The following DOCK4 variants were observed in gnomAD, a reference collection of about 807,000 sequenced individuals.
DOCK4 encodes the protein dedicator of cytokinesis protein 4.
In DOCK4, 97 loss-of-function variants were observed where a neutral mutation model predicts 268.1. The ratio of observed to expected loss-of-function variants is 0.36; its 90% confidence interval spans 0.31 to 0.43. The LOEUF (loss-of-function observed/expected upper bound fraction) is 0.43. Among genes scored for constraint, DOCK4 ranks in the 20% least tolerant of loss-of-function variants. The pLI, the probability that DOCK4 is intolerant of heterozygous loss-of-function variation, is 1.00. For synonymous variants in DOCK4, 954 were observed against 887.2 expected (o/e 1.08, Z -1.34); for missense variants, 2,145 against 2,455.7 (o/e 0.87, Z 2.67).
At chr7:111,830,793 T>A (rs1019073663) in intron 26 of DOCK4, among the ~76,000 whole-genome samples, 2 of 151,402 alleles carry the variant, frequency 1.3e-5, no homozygotes, top group Non-Finnish European at 2.9e-5. Context: ...CTGTATATTT[T>A]CCTTTTTTTT....
intron 1 of DOCK4, among the ~76,000 whole-genome samples, chr7:112,164,402 G>T (rs1201513114): frequency 6.6e-6 from 1 of 152,126 alleles, no homozygotes; most frequent in African/African-American, 2.4e-5. Context: ...CTGTCTTAAA[G>T]TCTGCATATA....
At chr7:112,139,491 T>G (rs1407234629) in intron 1 of DOCK4, among the ~76,000 whole-genome samples, 1 of 152,166 alleles carries the variant, frequency 6.6e-6, no homozygotes, top group African/African-American at 2.4e-5. Flanking sequence ...GACTAAGAGC[T>G]TAGGAAAAGG....
intron 4 of DOCK4, among the ~76,000 whole-genome samples, chr7:111,996,404 G>T (rs931871851): frequency 7.9e-5 from 12 of 152,140 alleles, no homozygotes; most frequent in African/African-American, 2.7e-4. Context: ...ATTATATTTT[G>T]TTCAATTATT....
At chr7:112,099,043 A>G (rs1563082596) in intron 1 of DOCK4, among the ~76,000 whole-genome samples, 1 of 152,114 alleles carries the variant, frequency 6.6e-6, no homozygotes, top group Non-Finnish European at 1.5e-5. Flanking sequence ...TAATCTCAGC[A>G]CTTTGGGAGG....
At chr7:111,988,495 C>G (rs1799227237) in intron 6 of DOCK4, among the ~76,000 whole-genome samples, 1 of 152,182 alleles carries the variant, frequency 6.6e-6, no homozygotes, top group Non-Finnish European at 1.5e-5. Flanking sequence ...TGAGTTCTCT[C>G]AAGCAGCTCC....
At chr7:111,908,586 G>A (rs931358639) in intron 13 of DOCK4, among the ~76,000 whole-genome samples, 10 of 151,986 alleles carry the variant, frequency 6.6e-5, no homozygotes, top group African/African-American at 2.4e-4. Flanking sequence ...GAACATGCAG[G>A]TTTGATACAT....
intron 8 of DOCK4, among the ~76,000 whole-genome samples, chr7:111,969,119 A>G (rs1250156203): frequency 6.4e-5 from 8 of 125,956 alleles, no homozygotes; most frequent in East Asian, 4.8e-4. Context: ...TAGATGACAC[A>G]TTAGTGGGTG....
chr7:112,079,357 T>G (rs111657344), intron 1 of DOCK4, among the ~76,000 whole-genome samples: 131 of 152,318 alleles, frequency 8.6e-4, no homozygotes, highest in African/African-American at 3.0e-3. Flanking sequence ...AACTGTATTA[T>G]GTAAAAGTAC....
chr7:112,180,346 T>C (rs554135053), intron 1 of DOCK4, among the ~76,000 whole-genome samples: 19 of 152,244 alleles, frequency 1.2e-4, no homozygotes, highest in African/African-American at 4.3e-4. Flanking sequence ...CAGTGCTCCT[T>C]TACATGTAAA....
intron 1 of DOCK4, among the ~76,000 whole-genome samples, chr7:112,091,519 T>C (rs1809625590): frequency 6.6e-6 from 1 of 152,160 alleles, no homozygotes; most frequent in South Asian, 2.1e-4. Flanking sequence ...GGCTATCTGC[T>C]AGAATAGGTA....
chr7:112,142,325 C>G (rs1815012335), intron 1 of DOCK4, among the ~76,000 whole-genome samples: 1 of 152,114 alleles, frequency 6.6e-6, no homozygotes, highest in Non-Finnish European at 1.5e-5. Context: ...TCTGAATTTT[C>G]ACTATTGTAT....
intron 52 of DOCK4, among the ~76,000 whole-genome samples, chr7:111,729,592 A>G (rs1051911477): frequency 6.6e-6 from 1 of 152,220 alleles, no homozygotes; most frequent in African/African-American, 2.4e-5. Flanking sequence ...GGAGGCACAC[A>G]TTAGTCCTAT....
At chr7:111,908,670 C>T (rs112025978) in intron 13 of DOCK4, among the ~76,000 whole-genome samples, 2 of 151,722 alleles carry the variant, frequency 1.3e-5, no homozygotes, top group Non-Finnish European at 2.9e-5. Context: ...GCATGCATTA[C>T]GTATTTGTCC....
intron 1 of DOCK4, among the ~76,000 whole-genome samples, chr7:112,088,211 T>A (rs552172057): frequency 1.3e-5 from 2 of 152,046 alleles, no homozygotes; most frequent in African/African-American, 2.4e-5. Context: ...AGTTTTAGAG[T>A]GAAGTTTTAA....
At chr7:111,859,169 C>T (rs1455902549) in intron 23 of DOCK4, among the ~76,000 whole-genome samples, 2 of 152,146 alleles carry the variant, frequency 1.3e-5, no homozygotes, top group Non-Finnish European at 2.9e-5. Context: ...CAGGTATGCA[C>T]CACCACACCT....
At chr7:111,928,581 T>C (rs1793923216) in intron 12 of DOCK4, among the ~76,000 whole-genome samples, 1 of 144,958 alleles carries the variant, frequency 6.9e-6, no homozygotes, top group South Asian at 2.1e-4. Context: ...CTGGATTTTC[T>C]TTTTCTTTTT....
intron 26 of DOCK4, among the ~76,000 whole-genome samples, chr7:111,829,643 T>C (rs138122548): frequency 1.4e-3 from 217 of 152,322 alleles, no homozygotes; most frequent in Non-Finnish European, 2.4e-3. Context: ...GAGTCAACAA[T>C]TGATATCTGT....
chr7:111,770,595 T>C (rs1798070116), intron 36 of DOCK4, among the ~76,000 whole-genome samples: 2 of 152,188 alleles, frequency 1.3e-5, no homozygotes, highest in Non-Finnish European at 2.9e-5. Flanking sequence ...ATTGTAAATA[T>C]AGCCCAATAG....
At chr7:111,857,143 A>G (rs1805078334) in intron 23 of DOCK4, among the ~76,000 whole-genome samples, 1 of 152,226 alleles carries the variant, frequency 6.6e-6, no homozygotes, top group African/African-American at 2.4e-5. Flanking sequence ...GGCACTCATC[A>G]ACTGTAGTAA....
Sources: allele counts gnomAD v4.1 joint callset (sites outside exome capture counted in the v4.1 genomes callset), GRCh38; gene constraint gnomAD v4.1.1; transcripts MANE v1.5; gene names NCBI Gene and HGNC (gene_info 2026-07-23, HGNC 2026-07-21).